IL1RAPL2: variants seen among roughly 807,000 people sequenced by gnomAD.
IL1RAPL2 encodes X-linked interleukin-1 receptor accessory protein-like 2.
IL1RAPL2 carries 3 observed loss-of-function variants against 44.1 expected under a neutral mutation model. That is an observed-to-expected ratio of 0.07 (90% CI 0.03 to 0.18). The LOEUF (loss-of-function observed/expected upper bound fraction) is 0.18, where lower values mean the gene tolerates loss of function less well. Among genes scored for constraint, IL1RAPL2 ranks in the 10% least tolerant of loss-of-function variants. The pLI, the probability that IL1RAPL2 is intolerant of heterozygous loss-of-function variation, is 1.00. For synonymous variants in IL1RAPL2, 181 were observed against 178.8 expected, an observed-to-expected ratio of 1.01 and a Z score of -0.10; for missense variants, 391 against 496.4, an observed-to-expected ratio of 0.79 and a Z score of 2.02.
At chrX:105,513,583 G>A (rs2036488444) in intron 6 of IL1RAPL2, among the ~76,000 whole-genome samples, 1 of 111,733 alleles carries the variant, frequency 8.9e-6, no homozygotes, top group African/African-American at 3.3e-5. Flanking sequence ...AGAAGTGTCT[G>A]TTCATATCTT....
At chrX:105,475,271 G>A (rs1019700019) in intron 5 of IL1RAPL2, among the ~76,000 whole-genome samples, 2 of 110,833 alleles carry the variant, frequency 1.8e-5, no homozygotes, top group African/African-American at 6.6e-5. Flanking sequence ...CTGCCTTTCA[G>A]TTTCTTCATC....
At chrX:104,835,332 A>G (rs1921712242) in intron 2 of IL1RAPL2, among the ~76,000 whole-genome samples, 1 of 110,951 alleles carries the variant, frequency 9.0e-6, no homozygotes, top group Admixed American at 9.6e-5. Context: ...TTTTCTTTGT[A>G]AAACATATCT....
intron 6 of IL1RAPL2, among the ~76,000 whole-genome samples, chrX:105,570,294 T>C (rs370238888): frequency 3.6e-5 from 4 of 112,484 alleles, no homozygotes; most frequent in South Asian, 7.3e-4. Flanking sequence ...AAGGCCATTA[T>C]TTTGTTCCAT....
chrX:104,836,364 G>A (rs1172033629), intron 2 of IL1RAPL2, among the ~76,000 whole-genome samples: 1 of 110,510 alleles, frequency 9.0e-6, no homozygotes, highest in Non-Finnish European at 1.9e-5. Context: ...ATAACAGGGT[G>A]ACTATAGTCG....
rs1556140582 is a variant in IL1RAPL2, at chrX:105,195,651, A to T, written c.259A>T (p.Ile87Phe). ...YKNKGDLEEP[I>F]IFSEVRMSKE... ...AAACAAAGGTGATTTGGAAGAGCCCATCATCTTTTCAGAGGTCAGGATGAG... is the reference window on the plus strand; with the variant it reads ...AAACAAAGGTGATTTGGAAGAGCCCTTCATCTTTTCAGAGGTCAGGATGAG... Residue 87 changes from isoleucine (I) to phenylalanine (F), a missense_variant, in exon 3 of 11, where the codon ATC (isoleucine) becomes TTC (phenylalanine). Transcript: ENST00000372582. 1 of 1,211,751 alleles carries T rather than the reference A, an allele frequency of 8.3e-7. No individual in the cohort carries two copies. Among genetic ancestry groups the T allele is most frequent in the South Asian group, 1.8e-5 (1 of 56,993 alleles).
At chrX:105,380,003 T>C (rs778074400) in intron 5 of IL1RAPL2, among the ~76,000 whole-genome samples, 11 of 111,866 alleles carry the variant, frequency 9.8e-5, no homozygotes, top group Non-Finnish European at 2.1e-4. Flanking sequence ...TGAGAATCTA[T>C]GAGTTATTTT....
intron 2 of IL1RAPL2, among the ~76,000 whole-genome samples, chrX:104,753,276 A>G (rs1199342525): frequency 9.2e-6 from 1 of 108,675 alleles, no homozygotes; most frequent in Non-Finnish European, 1.9e-5. Flanking sequence ...ATCAGAAGAA[A>G]CAATCTACAC....
chrX:105,740,140 G>A (rs994348754), intron 7 of IL1RAPL2, among the ~76,000 whole-genome samples: 1 of 110,859 alleles, frequency 9.0e-6, no homozygotes, highest in African/African-American at 3.3e-5. Flanking sequence ...CTAGCAGAAG[G>A]CAAGAAATAA....
chrX:104,877,984 G>A (rs1277412667), intron 2 of IL1RAPL2, among the ~76,000 whole-genome samples: 6 of 111,879 alleles, frequency 5.4e-5, no homozygotes, highest in East Asian at 2.8e-4. Context: ...ATGGCTTATA[G>A]GAATCTTTAT....
At chrX:105,149,240 T>C (rs750256991) in intron 2 of IL1RAPL2, among the ~76,000 whole-genome samples, 71 of 111,782 alleles carry the variant, frequency 6.4e-4, no homozygotes, top group Non-Finnish European at 1.3e-3. Flanking sequence ...ATGATCCCCT[T>C]GGACTGAAAT....
rs151057329 is a variant in IL1RAPL2 at position 104,664,916 on chromosome X, C to T, written c.82+5921C>T. 5.4e-5 allele frequency among the ~76,000 whole-genome samples: 6 copies of T among 111,161 alleles called. No homozygotes were observed. The East Asian group carries it at 1.4e-3, about 26-fold the overall frequency. ...ATACAAAATAGTTTTAGAATGTCTA[C>T]ACCAAAACCACTACAAGCAACAAAC... On this transcript the variant is annotated intron_variant, in intron 2 of 10. Transcript: ENST00000372582.
chrX:105,075,145 T>G (rs2032273477), intron 2 of IL1RAPL2, among the ~76,000 whole-genome samples: 1 of 111,253 alleles, frequency 9.0e-6, no homozygotes, highest in African/African-American at 3.3e-5. Context: ...TGCTTCCAGT[T>G]TTTGCCCATT....
intron 5 of IL1RAPL2, among the ~76,000 whole-genome samples, chrX:105,351,696 G>T (rs2035156357): frequency 9.1e-6 from 1 of 110,320 alleles, no homozygotes; most frequent in Non-Finnish European, 1.9e-5. Flanking sequence ...GGGTTGATGG[G>T]TGCAGCAAAC....
At chrX:105,716,222 T>G (rs1386221576) in intron 6 of IL1RAPL2, among the ~76,000 whole-genome samples, 7 of 112,051 alleles carry the variant, frequency 6.2e-5, no homozygotes, top group Non-Finnish European at 1.3e-4. Flanking sequence ...TAAAAGAGGT[T>G]GAAAATTGTT....
intron 5 of IL1RAPL2, among the ~76,000 whole-genome samples, chrX:105,320,249 T>C (rs1434588309): frequency 8.9e-6 from 1 of 111,903 alleles, no homozygotes; most frequent in Non-Finnish European, 1.9e-5. Flanking sequence ...AGCCCTTGAC[T>C]TTATGAATGT....
At chrX:104,660,963 C>T (rs1033730602) in intron 2 of IL1RAPL2, among the ~76,000 whole-genome samples, 8 of 109,589 alleles carry the variant, frequency 7.3e-5, no homozygotes, top group African/African-American at 1.0e-4. Flanking sequence ...CACACACACA[C>T]ACATACACAC....
At chrX:104,872,536 C>T (rs1244052687) in intron 2 of IL1RAPL2, among the ~76,000 whole-genome samples, 6 of 111,310 alleles carry the variant, frequency 5.4e-5, no homozygotes, top group Admixed American at 3.8e-4. Flanking sequence ...AACCAAGGAG[C>T]TTGACTTAGG....
chrX:104,947,486 T>C (rs1376287531), intron 2 of IL1RAPL2, among the ~76,000 whole-genome samples: 1 of 102,920 alleles, frequency 9.7e-6, no homozygotes, highest in Non-Finnish European at 2.0e-5. Flanking sequence ...CATGAAGTCC[T>C]TGCCCACGCC....
At chrX:105,092,266 T>C (rs2032552691) in intron 2 of IL1RAPL2, among the ~76,000 whole-genome samples, 1 of 111,566 alleles carries the variant, frequency 9.0e-6, no homozygotes, top group African/African-American at 3.3e-5. Flanking sequence ...AAACCACTCT[T>C]ATGTAGGATA....
Sources: allele counts gnomAD v4.1 joint callset (sites outside exome capture counted in the v4.1 genomes callset), GRCh38; gene constraint gnomAD v4.1.1; transcripts MANE v1.5; gene names NCBI Gene and HGNC (gene_info 2026-07-23, HGNC 2026-07-21).